CAMKK2: variants seen among roughly 807,000 people sequenced by gnomAD.
The protein encoded by CAMKK2 is calcium/calmodulin-dependent protein kinase kinase 2.
In CAMKK2, 30 loss-of-function variants were observed where a neutral mutation model predicts 67.2. The observed-to-expected ratio is 0.45, with a 90% confidence interval of 0.33 to 0.61. The LOEUF is 0.61. CAMKK2 is among the 20% of genes least tolerant of loss of function. CAMKK2 has a pLI of 0.02. For missense variants in CAMKK2, 643 were observed against 802.0 expected (o/e 0.80, Z 2.39); for synonymous variants, 322 against 326.2 (o/e 0.99, Z 0.14).
At chr12:121,277,430 A>G (rs562315729) in intron 1 of CAMKK2, among the ~76,000 whole-genome samples, 1 of 152,354 alleles carries the variant, frequency 6.6e-6, no homozygotes, top group South Asian at 2.1e-4. Context: ...ATACTTGTAC[A>G]CTAATGTTCA....
intron 5 of CAMKK2, among the ~76,000 whole-genome samples, chr12:121,267,274 G>T (rs1400240453): frequency 1.3e-5 from 2 of 148,802 alleles, no homozygotes; most frequent in African/African-American, 4.9e-5. Context: ...ACCATGCCTG[G>T]CTAATTTTTG....
rs571339758 is a variant in CAMKK2, at chr12:121,250,663, G to A, written c.1162-629C>T. On this transcript the variant is annotated intron_variant, in intron 11 of 16. Coordinates refer to ENST00000404169, the MANE Select transcript of CAMKK2 (RefSeq NM_001270485.2). ...CGTAGCACTTATCCCTGACGTTATC[G>A]TACAGATTTGTTTATTGTTTAACCC... Among the ~76,000 whole-genome samples the A allele has an allele frequency of 2.0e-5, 3 of 152,214 alleles. No individual in the cohort carries two copies. In the South Asian group the frequency reaches 6.2e-4, roughly 32 times the overall value.
chr12:121,288,235 T>C (rs1899171403), intron 1 of CAMKK2, among the ~76,000 whole-genome samples: 1 of 152,228 alleles, frequency 6.6e-6, no homozygotes, highest in Non-Finnish European at 1.5e-5. Context: ...AGAAAAAGAC[T>C]TCTACCCAGC....
At chr12:121,256,773 T>C (rs1162252474) in intron 7 of CAMKK2, among the ~76,000 whole-genome samples, 1 of 152,230 alleles carries the variant, frequency 6.6e-6, no homozygotes, top group Non-Finnish European at 1.5e-5. Flanking sequence ...TTCCATTGTA[T>C]GGATAGACCA....
chr12:121,253,232 A>C lies in CAMKK2; in HGVS notation c.1107+41T>G. Reference sequence around the variant, plus strand: ...GCTGCTTACAATCCAGAAGACACTAACACAGGCAGAACTCTGTGGCTGAGG... The same window carrying C: ...GCTGCTTACAATCCAGAAGACACTACCACAGGCAGAACTCTGTGGCTGAGG... On this transcript the variant is annotated intron_variant, in intron 10 of 16. Coordinates refer to ENST00000404169, the MANE Select transcript of CAMKK2 (RefSeq NM_001270485.2). This position sits in a 1 kb window ranked among gnomAD's most constrained non-coding sequence, Gnocchi z 5.0. The C allele has an allele frequency of 6.4e-7, 1 of 1,569,808 alleles. No individual in the cohort carries two copies. Among genetic ancestry groups the C allele is most frequent in the Non-Finnish European group, 8.8e-7 (1 of 1,140,558 alleles).
At chr12:121,283,869 G>A (rs940330790) in intron 1 of CAMKK2, among the ~76,000 whole-genome samples, 1 of 152,162 alleles carries the variant, frequency 6.6e-6, no homozygotes, top group Non-Finnish European at 1.5e-5. Flanking sequence ...CAACATTTCA[G>A]AGCCAGGAGA....
chr12:121,279,266 G>A (rs868300152), intron 1 of CAMKK2, among the ~76,000 whole-genome samples: 3 of 152,186 alleles, frequency 2.0e-5, no homozygotes, highest in Non-Finnish European at 4.4e-5. Context: ...CAGGGACGTC[G>A]GCGCTGGCAG....
At chr12:121,275,513 C>CG (rs372342530) in intron 1 of CAMKK2, among the ~76,000 whole-genome samples, 11 of 131,358 alleles carry the variant, frequency 8.4e-5, no homozygotes, top group African/African-American at 3.6e-4. Context: ...AAAAAAAGGT[C>CG]GGGGGGAATC....
chr12:121,266,727 C>T (rs1209336849), intron 5 of CAMKK2, among the ~76,000 whole-genome samples: 2 of 151,874 alleles, frequency 1.3e-5, no homozygotes, highest in South Asian at 2.1e-4. Context: ...CTCCTGACCT[C>T]GTGATCCACC....
At chr12:121,288,988 G>A (rs1268713747) in intron 1 of CAMKK2, among the ~76,000 whole-genome samples, 1 of 152,072 alleles carries the variant, frequency 6.6e-6, no homozygotes, top group Non-Finnish European at 1.5e-5. Flanking sequence ...AAAAGGCTCT[G>A]AGACCACTCA....
rs1036662266 is a variant in CAMKK2 at position 121,238,124 on chromosome 12, G to C, written c.*2575C>G. The C allele has an allele frequency of 1.3e-5, 2 of 152,418 alleles. No individual in the cohort carries two copies. The allele number at this position is 152,418 out of a possible 1,614,324, so 9.4% of individuals were successfully genotyped here. On this transcript the variant is annotated 3_prime_UTR_variant, in exon 17 of 17. Transcript: ENST00000404169. The stretch of plus-strand genomic sequence containing the variant: ...TTCCAGAAAGGCTCTGAGGACGGAA[G>C]ACCTGCCTCTCAGGAAAGGCCAGAC...
At chr12:121,265,163 G>A (rs1019586009) in intron 5 of CAMKK2, among the ~76,000 whole-genome samples, 2 of 152,086 alleles carry the variant, frequency 1.3e-5, no homozygotes, top group Non-Finnish European at 1.5e-5. Context: ...AAACCCTCAC[G>A]ATGGCACACA....
At chr12:121,242,760 T>C (rs1888620258) in intron 16 of CAMKK2, among the ~76,000 whole-genome samples, 1 of 152,208 alleles carries the variant, frequency 6.6e-6, no homozygotes, top group South Asian at 2.1e-4. Context: ...CTTTTTTTTT[T>C]GAGACGGAGT....
At chr12:121,283,941 C>A (rs1302496459) in intron 1 of CAMKK2, among the ~76,000 whole-genome samples, 1 of 152,216 alleles carries the variant, frequency 6.6e-6, no homozygotes, top group East Asian at 1.9e-4. Context: ...TAGCACTGGG[C>A]CTGTGTTCTA....
chr12:121,242,604 G>T (rs1398268023), intron 16 of CAMKK2, among the ~76,000 whole-genome samples: 1 of 152,214 alleles, frequency 6.6e-6, no homozygotes, highest in Non-Finnish European at 1.5e-5. Context: ...GACCGGTTCT[G>T]AAGGACTGCC....
intron 1 of CAMKK2, among the ~76,000 whole-genome samples, chr12:121,284,859 T>C (rs951807600): frequency 5.9e-5 from 9 of 152,162 alleles, no homozygotes; most frequent in Non-Finnish European, 1.3e-4. Flanking sequence ...CACAGGGACA[T>C]GGACATGACT....
At chr12:121,286,707 C>A (rs1898814311) in intron 1 of CAMKK2, among the ~76,000 whole-genome samples, 1 of 152,114 alleles carries the variant, frequency 6.6e-6, no homozygotes, top group Admixed American at 6.6e-5. Context: ...CTACGCCTGG[C>A]TAAATAGGTC....
chr12:121,289,230 AT>A (rs2136628186), intron 1 of CAMKK2, among the ~76,000 whole-genome samples: 1 of 151,956 alleles, frequency 6.6e-6, no homozygotes, highest in South Asian at 2.1e-4. Flanking sequence ...GCTTTTCTCT[AT>A]GCTTAAAATG....
rs1405858830 is a variant in CAMKK2, at chr12:121,276,912, G to GTC, written c.-59-2329_-59-2328dup. 7.1e-5 allele frequency among the ~76,000 whole-genome samples: 7 copies of GTC among 98,156 alleles called. No individual in the cohort carries two copies. The East Asian group carries it at 2.2e-3, about 31-fold the overall frequency. The allele number at this position is 98,156 out of a possible 152,430, so 64.4% of individuals were successfully genotyped here. On this transcript the variant is annotated intron_variant, in intron 1 of 16. Transcript: ENST00000404169. ...AAAAAAAGGGCGGGGTGGGGGGGGG[G>GTC]TCTCTCTAGATGTCCCAGGAAAACA... is the stretch of plus-strand genomic sequence containing the variant.
Sources: gnomAD v4.1 joint callset for allele counts (sites outside exome capture counted in the v4.1 genomes callset) on GRCh38, gnomAD v4.1.1 for gene constraint, Gnocchi (gnomAD v3.1) non-coding constraint, MANE v1.5 for transcripts, NCBI Gene and HGNC (gene_info 2026-07-23, HGNC 2026-07-21) for gene names.